SEPTIN2: variants seen among roughly 807,000 people sequenced by gnomAD.
The protein encoded by SEPTIN2 is septin 2.
A neutral mutation model predicts 46.5 loss-of-function variants in SEPTIN2; 34 were observed. That is an observed-to-expected ratio of 0.73 (90% CI 0.56 to 0.97). The LOEUF is 0.97. Among genes scored for constraint, SEPTIN2 ranks in the 50% least tolerant of loss-of-function variants. The probability of loss-of-function intolerance (pLI) is 0.00; values close to 1 mark genes in which losing one functional copy is unlikely to be tolerated. For synonymous variants in SEPTIN2, 175 were observed against 153.4 expected (o/e 1.14, Z -1.04); for missense variants, 347 against 448.4 (o/e 0.77, Z 2.04).
intron 1 of SEPTIN2, among the ~76,000 whole-genome samples, chr2:241,320,681 C>T (rs1367387765): frequency 1.3e-5 from 2 of 152,050 alleles, no homozygotes; most frequent in African/African-American, 2.4e-5. Context: ...CTCAGCTATT[C>T]CGGAGGCTGA....
chr2:241,322,980 A>G (rs1353544802), intron 1 of SEPTIN2, among the ~76,000 whole-genome samples: 1 of 151,428 alleles, frequency 6.6e-6, no homozygotes, highest in Non-Finnish European at 1.5e-5. Context: ...AAAATATGGA[A>G]TATGTGCGTA....
chr2:241,350,178 G>T lies in SEPTIN2; in HGVS notation c.*4G>T. 1.9e-6 allele frequency: 3 copies of T among 1,605,928 alleles called. No homozygotes were observed. Among genetic ancestry groups the T allele is most frequent in the Non-Finnish European group, 2.6e-6 (3 of 1,176,422 alleles). On this transcript the variant is annotated 3_prime_UTR_variant, in exon 12 of 13. Transcript: ENST00000391971. Reference sequence around the variant, plus strand: ...GGCTCTCGGGCACCACGTGTAAGGTGATGTGCACATATCAAGAAGTCAGAG... The same window carrying T: ...GGCTCTCGGGCACCACGTGTAAGGTTATGTGCACATATCAAGAAGTCAGAG...
intron 11 of SEPTIN2, among the ~76,000 whole-genome samples, chr2:241,349,587 C>T (rs1361363704): frequency 2.6e-5 from 4 of 151,976 alleles, no homozygotes; most frequent in South Asian, 2.1e-4. Flanking sequence ...CTTTGGGAGG[C>T]GGAGGCGGGT....
intron 1 of SEPTIN2, among the ~76,000 whole-genome samples, chr2:241,321,852 A>T (rs2077179869): frequency 1.3e-5 from 2 of 151,754 alleles, no homozygotes; most frequent in South Asian, 2.1e-4. Flanking sequence ...TCAGATACTT[A>T]TCTCTGTATT....
rs180724384 is a variant in SEPTIN2, at chr2:241,333,115, A to G, written c.131-2011A>G. 2.0e-5 allele frequency among the ~76,000 whole-genome samples: 3 copies of G among 152,342 alleles called. No individual in the cohort carries two copies. In the East Asian group the frequency reaches 5.8e-4, roughly 29 times the overall value. ...TTTAGTATTTGTAAATCGTGCCTCA[A>G]AGTGGCTTTAAAATAAAACAGGTAG... On this transcript the variant is annotated intron_variant, in intron 3 of 12. Transcript: ENST00000391971.
rs367659481 is a variant in SEPTIN2 at position 241,343,740 on chromosome 2, G to C, written c.697-12G>C. 36 of 1,613,982 alleles carry C rather than the reference G, an allele frequency of 2.2e-5. No homozygotes were observed. The East Asian group carries it at 7.8e-4, about 35-fold the overall frequency. On this transcript the variant is annotated splice_polypyrimidine_tract_variant and intron_variant, in intron 8 of 12. Coordinates refer to ENST00000391971, the MANE Select transcript of SEPTIN2 (RefSeq NM_004404.5). Reference sequence around the variant, plus strand: ...TGTGTGGAGCCTGTCTACTCTGTGTGTCTCTTTCTAGGCTAGCATCCCATT... The same window carrying C: ...TGTGTGGAGCCTGTCTACTCTGTGTCTCTCTTTCTAGGCTAGCATCCCATT...
Position 241,337,412 on chromosome 2 carries a change from G to A in SEPTIN2, c.372G>A (p.Glu124=), listed in dbSNP as rs756129094. The change falls in exon 6 of 13, where the codon GAG becomes GAA. Residue 124 remains glutamate (E), a synonymous_variant. Transcript: ENST00000391971. ...AGACAATTATCTCCTATATTGATGA[G>A]CAATTTGAGAGGTACCTGCATGACG... ...CFKTIISYID[E]QFERYLHDES... 8.7e-6 allele frequency: 14 copies of A among 1,613,810 alleles called. No individual in the cohort carries two copies. The highest frequency in any genetic ancestry group is 2.7e-5 in the African/African-American group (2 of 74,886).
At chr2:241,337,216 C>T in intron 5 of SEPTIN2, 166 bp from the exon 6 acceptor site, 1 of 629,820 alleles carries the variant, frequency 1.6e-6, no homozygotes. Flanking sequence ...GGCATAGTTT[C>T]CAAAAACTTC....
At chr2:241,335,102 C>G (rs747514046) in intron 3 of SEPTIN2, 24 bp from the exon 4 acceptor site, 1 of 1,547,482 alleles carries the variant, frequency 6.5e-7, no homozygotes, top group Non-Finnish European at 8.9e-7. Flanking sequence ...AAGGTCATGA[C>G]AAGGTTTTTC....
chr2:241,338,197 C>T (rs1463658426), intron 7 of SEPTIN2, among the ~76,000 whole-genome samples: 5 of 152,126 alleles, frequency 3.3e-5, no homozygotes, highest in Non-Finnish European at 7.3e-5. Flanking sequence ...TGTTTGGAAA[C>T]ATAGCAGTTG....
At chr2:241,328,516 C>T (rs965521746) in intron 3 of SEPTIN2, among the ~76,000 whole-genome samples, 4 of 151,380 alleles carry the variant, frequency 2.6e-5, no homozygotes, top group African/African-American at 9.8e-5. Context: ...GTGGGCAGAT[C>T]ACCTGAGGTT....
intron 1 of SEPTIN2, among the ~76,000 whole-genome samples, chr2:241,318,509 A>G (rs899221570): frequency 2.6e-5 from 4 of 152,114 alleles, no homozygotes; most frequent in African/African-American, 9.7e-5. Flanking sequence ...AAATGATTTG[A>G]TTTATGTAGG....
chr2:241,320,105 T>G (rs1175017895), intron 1 of SEPTIN2: 1 of 396,504 alleles, frequency 2.5e-6, no homozygotes, highest in Non-Finnish European at 5.2e-6. Flanking sequence ...CCTATGGCGT[T>G]CATTCATTCC....
At chr2:241,351,307 T>C (rs898118126) in intron 12 of SEPTIN2, 5 of 152,206 alleles carry the variant, frequency 3.3e-5, no homozygotes, top group Admixed American at 3.3e-4. Flanking sequence ...GTGTTCATTG[T>C]AAAATACGGT....
rs2076353734 is a variant in SEPTIN2, at chr2:241,316,744, G to A, written c.-18+762G>A. ...ATTCTTGTCAGTGCCACCAGACCTTGTCCTCTCTCCACGGAAACACACGAA... is the reference window on the plus strand; with the variant it reads ...ATTCTTGTCAGTGCCACCAGACCTTATCCTCTCTCCACGGAAACACACGAA... On this transcript the variant is annotated intron_variant, in intron 1 of 12. Coordinates refer to ENST00000391971, the MANE Select transcript of SEPTIN2 (RefSeq NM_004404.5). 1.1e-5 allele frequency: 5 copies of A among 441,270 alleles called. No homozygotes were observed. In the East Asian group the frequency reaches 1.8e-4, roughly 16 times the overall value. 27.3% of individuals were successfully genotyped at this position (441,270 alleles called of 1,614,324 possible).
At chr2:241,350,404 A>G (rs1488253187) in intron 12 of SEPTIN2, among the ~76,000 whole-genome samples, 1 of 151,714 alleles carries the variant, frequency 6.6e-6, no homozygotes, top group African/African-American at 2.4e-5. Flanking sequence ...GATTTTTCAT[A>G]TTTTTGTCTC....
chr2:241,347,747 G>A (rs566589662), intron 10 of SEPTIN2, among the ~76,000 whole-genome samples: 25 of 152,232 alleles, frequency 1.6e-4, no homozygotes, highest in African/African-American at 5.5e-4. Flanking sequence ...TAGGCTGGGC[G>A]TGGTGGCTCA....
rs1402516941 is a variant in SEPTIN2, at chr2:241,352,849, G to A, written c.*912G>A. Reference sequence around the variant, plus strand: ...ATTTTTTTAAGGAAAATTAGCAGTTGGTCTATTCAGAATCAAACCTTTTTA... The same window carrying A: ...ATTTTTTTAAGGAAAATTAGCAGTTAGTCTATTCAGAATCAAACCTTTTTA... On this transcript the variant is annotated 3_prime_UTR_variant, in exon 13 of 13. Transcript: ENST00000391971. The A allele has an allele frequency of 2.0e-5, 3 of 152,246 alleles. No individual in the cohort carries two copies. Among genetic ancestry groups the A allele is most frequent in the Non-Finnish European group, 4.4e-5 (3 of 68,024 alleles). The allele number at this position is 152,246 out of a possible 1,614,324, so 9.4% of individuals were successfully genotyped here.
At chr2:241,334,003 A>G (rs1344241143) in intron 3 of SEPTIN2, among the ~76,000 whole-genome samples, 1 of 151,996 alleles carries the variant, frequency 6.6e-6, no homozygotes, top group African/African-American at 2.4e-5. Flanking sequence ...GGTACAAGCC[A>G]CAACACCTGG....
Sources: allele counts gnomAD v4.1 joint callset (sites outside exome capture counted in the v4.1 genomes callset), GRCh38; gene constraint gnomAD v4.1.1; transcripts MANE v1.5; gene names NCBI Gene and HGNC (gene_info 2026-07-23, HGNC 2026-07-21).